The following PRIM2 variants were observed in gnomAD, a reference collection of about 807,000 sequenced individuals.
PRIM2 encodes the protein DNA primase large subunit.
A neutral mutation model predicts 67.3 loss-of-function variants in PRIM2; 39 were observed. The observed-to-expected ratio is 0.58, with a 90% CI of 0.45 to 0.76. PRIM2 has a LOEUF of 0.76. Ranked by LOEUF, PRIM2 falls within the 30% of genes least tolerant of loss-of-function variation. PRIM2 has a pLI of 0.00. For synonymous variants in PRIM2, 143 were observed against 198.7 expected, an observed-to-expected ratio of 0.72 and a Z score of 2.36; for missense variants, 398 against 598.7, an observed-to-expected ratio of 0.66 and a Z score of 3.50.
intron 7 of PRIM2, among the ~76,000 whole-genome samples, chr6:57,391,296 A>G (rs1359753694): frequency 4.7e-5 from 7 of 147,848 alleles, no homozygotes; most frequent in Non-Finnish European, 1.0e-4. Flanking sequence ...TGTCAGATGC[A>G]TAGTTTGCAA....
At chr6:57,467,586 T>G (rs1474678471) in intron 7 of PRIM2, among the ~76,000 whole-genome samples, 1 of 152,240 alleles carries the variant, frequency 6.6e-6, no homozygotes, top group Non-Finnish European at 1.5e-5. Context: ...TTCTTTTTGC[T>G]TAGGATTGTC....
chr6:57,269,930 C>G, the PRIM2 span, among the ~76,000 whole-genome samples: 14 of 152,152 alleles, frequency 9.2e-5, no homozygotes, highest in African/African-American at 2.9e-4. Context: ...TGTCAAAGAT[C>G]AGATGGTTGT....
intron 7 of PRIM2, among the ~76,000 whole-genome samples, chr6:57,395,996 T>C (rs1176132369): frequency 6.6e-6 from 1 of 152,254 alleles, no homozygotes. Context: ...TTTCCAGTTA[T>C]ATTCCATTGT....
At chr6:57,333,552 A>T (rs1768126976) in intron 5 of PRIM2, among the ~76,000 whole-genome samples, 1 of 152,128 alleles carries the variant, frequency 6.6e-6, no homozygotes, top group Non-Finnish European at 1.5e-5. Flanking sequence ...TTGATTCTTC[A>T]GTTAGAAAAT....
intron 13 of PRIM2, among the ~76,000 whole-genome samples, chr6:57,635,246 A>C (rs1282045274): frequency 2.0e-5 from 3 of 152,128 alleles, no homozygotes; most frequent in Non-Finnish European, 2.9e-5. Context: ...TAGGTAAAAC[A>C]ATATTGCTTT....
chr6:57,324,140 T>C, intron 3 of PRIM2, 61 bp from the exon 4 acceptor site: 1 of 956,620 alleles, frequency 1.0e-6, no homozygotes, highest in Non-Finnish European at 1.6e-6. Flanking sequence ...TGGCTCAGTA[T>C]TTCCTTACAC....
At chr6:57,369,635 A>C (rs1769477405) in intron 5 of PRIM2, among the ~76,000 whole-genome samples, 1 of 152,186 alleles carries the variant, frequency 6.6e-6, no homozygotes, top group Admixed American at 6.5e-5. Context: ...TAAGTCACTC[A>C]AAAAATGTGT....
At chr6:57,420,287 G>A (rs1423833225) in intron 7 of PRIM2, among the ~76,000 whole-genome samples, 1 of 152,106 alleles carries the variant, frequency 6.6e-6, no homozygotes, top group Non-Finnish European at 1.5e-5. Context: ...GGTAGATCAC[G>A]AGGTCAGGGG....
intron 7 of PRIM2, among the ~76,000 whole-genome samples, chr6:57,404,541 C>T (rs1213060975): frequency 4.6e-5 from 7 of 150,706 alleles, no homozygotes; most frequent in African/African-American, 1.7e-4. Flanking sequence ...AACTGTATAC[C>T]TGATAATATG....
At chr6:57,353,653 T>G (rs1375311297) in intron 5 of PRIM2, among the ~76,000 whole-genome samples, 1 of 152,208 alleles carries the variant, frequency 6.6e-6, no homozygotes, top group African/African-American at 2.4e-5. Flanking sequence ...TAGATTACTA[T>G]CGGTAGTCTT....
intron 5 of PRIM2, among the ~76,000 whole-genome samples, chr6:57,350,475 C>A (rs1451282634): frequency 6.6e-6 from 1 of 152,088 alleles, no homozygotes; most frequent in Non-Finnish European, 1.5e-5. Flanking sequence ...GATTAAAGGA[C>A]CGCTGAAATT....
At chr6:57,497,168 C>A (rs1581953893) in intron 7 of PRIM2, among the ~76,000 whole-genome samples, 1 of 152,064 alleles carries the variant, frequency 6.6e-6, no homozygotes, top group Non-Finnish European at 1.5e-5. Flanking sequence ...TTTAAGATAA[C>A]TATATGACAT....
intron 8 of PRIM2, among the ~76,000 whole-genome samples, chr6:57,531,546 T>C (rs1774892178): frequency 6.6e-6 from 1 of 152,166 alleles, no homozygotes; most frequent in Admixed American, 6.5e-5. Context: ...GCATGAGTAG[T>C]GTGTTGTGTG....
At chr6:57,640,756 A>C (rs1343756367) in intron 13 of PRIM2, among the ~76,000 whole-genome samples, 2 of 152,250 alleles carry the variant, frequency 1.3e-5, no homozygotes, top group African/African-American at 2.4e-5. Context: ...AAAACATTCC[A>C]TGCTCATGGA....
At chr6:57,447,734 GTTTC>G (rs1309021103) in intron 7 of PRIM2, among the ~76,000 whole-genome samples, 1 of 152,198 alleles carries the variant, frequency 6.6e-6, no homozygotes, top group Admixed American at 6.5e-5. Flanking sequence ...GTCAGCAATA[GTTTC>G]TTTAAGTATA....
intron 13 of PRIM2, among the ~76,000 whole-genome samples, chr6:57,637,308 C>T (rs1280971010): frequency 7.2e-5 from 11 of 152,066 alleles, no homozygotes; most frequent in East Asian, 1.9e-4. Flanking sequence ...GAGAAACCAG[C>T]GCAAAAAGGC....
the PRIM2 span, among the ~76,000 whole-genome samples, chr6:57,304,147 T>C: frequency 6.6e-6 from 1 of 152,130 alleles, no homozygotes; most frequent in South Asian, 2.1e-4. Flanking sequence ...TGGCATATGG[T>C]ACAATTTGAA....
intron 7 of PRIM2, among the ~76,000 whole-genome samples, chr6:57,488,831 G>C (rs1486396389): frequency 1.3e-5 from 2 of 152,234 alleles, no homozygotes; most frequent in African/African-American, 2.4e-5. Flanking sequence ...AGGCAGGGAG[G>C]TTGTGGGTGT....
chr6:57,573,608 A>C (rs1775902982), intron 10 of PRIM2, among the ~76,000 whole-genome samples: 1 of 152,156 alleles, frequency 6.6e-6, no homozygotes, highest in Admixed American at 6.5e-5. Flanking sequence ...CACTCATATA[A>C]GCTTTTAAAG....
Sources: allele counts gnomAD v4.1 joint callset (sites outside exome capture counted in the v4.1 genomes callset), GRCh38; gene constraint gnomAD v4.1.1; transcripts MANE v1.5; gene names NCBI Gene and HGNC (gene_info 2026-07-23, HGNC 2026-07-21).